The following PKP4 variants were observed in gnomAD, a reference collection of about 807,000 sequenced individuals.
PKP4 encodes plakophilin-4.
Under a neutral mutation model 145.1 loss-of-function variants are expected in PKP4, and 90 were observed. The observed-to-expected ratio is 0.62, with a 90% CI of 0.52 to 0.74. The LOEUF is 0.74. Among genes scored for constraint, PKP4 ranks in the 30% least tolerant of loss-of-function variants. The pLI is 0.00. For synonymous variants in PKP4, 563 were observed against 577.2 expected (o/e 0.98, Z 0.35); for missense variants, 1,340 against 1,482.7 (o/e 0.90, Z 1.58).
At chr2:158,476,498 T>A in intron 1 of PKP4, among the ~76,000 whole-genome samples, 1 of 151,924 alleles carries the variant, frequency 6.6e-6, no homozygotes, top group Admixed American at 6.6e-5. Context: ...GCCTGGCTAA[T>A]TTTTTATTTT....
At chr2:158,638,698 T>C (rs1265234200) in intron 9 of PKP4, among the ~76,000 whole-genome samples, 1 of 152,196 alleles carries the variant, frequency 6.6e-6, no homozygotes, top group East Asian at 1.9e-4. Context: ...ACTGTTAGAC[T>C]CTTCTGGGCA....
chr2:158,554,478 T>G lies in PKP4; in HGVS notation c.132+21162T>G, dbSNP rs370395017. ...TCTAGCTCTGTTGCCCAGGCTGGAG[T>G]GCAGTGGTGCAATCTTGGCTCACTG... On this transcript the variant is annotated intron_variant, in intron 2 of 21. Transcript: ENST00000389759. Among the ~76,000 whole-genome samples the G allele has an allele frequency of 4.6e-5, 7 of 150,794 alleles. No homozygotes were observed. In the East Asian group the frequency reaches 5.9e-4, roughly 13 times the overall value.
intron 11 of PKP4, among the ~76,000 whole-genome samples, chr2:158,656,570 C>A (rs537193637): frequency 8.1e-4 from 123 of 152,198 alleles, no homozygotes; most frequent in African/African-American, 2.7e-3. Flanking sequence ...GGGTAAAAGT[C>A]CTTGGGGAAC....
chr2:158,661,748 G>A (rs530177046), intron 13 of PKP4: 53 of 256,250 alleles, frequency 2.1e-4, no homozygotes, highest in Middle Eastern at 2.6e-3. Flanking sequence ...TTCTGTATCC[G>A]CACTAGAATC....
rs1400189156 is a variant in PKP4 at position 158,566,124 on chromosome 2, AG to A, written c.133-11145del. 1.5e-3 allele frequency among the ~76,000 whole-genome samples: 235 copies of A among 152,308 alleles called. 4 individuals carry two copies. In the East Asian group the frequency reaches 0.021, roughly 13 times the overall value. On this transcript the variant is annotated intron_variant, in intron 2 of 21. Transcript: ENST00000389759. ...CTTAAGAAAAAAATCTTCCTGTGTT[AG>A]GTGGTATTTGTTTTCATTCTCATTA...
At chr2:158,642,342 A>G in intron 10 of PKP4, 144 bp from the exon 11 acceptor site, 1 of 612,408 alleles carries the variant, frequency 1.6e-6, no homozygotes, top group Non-Finnish European at 2.7e-6. Context: ...GAATGTATAA[A>G]AGTTGTCTTA....
Position 158,621,048 on chromosome 2 carries a change from C to CT in PKP4, c.340dup (p.Tyr114LeufsTer22). ...TTTCTGACGCTGTCCAGCCCAACAA[C>CT]TATCTCATCAGGACAGAGCCAGAAC... On this transcript the variant is annotated frameshift_variant, in exon 5 of 22. Coordinates refer to ENST00000389759, the MANE Select transcript of PKP4 (RefSeq NM_003628.6). LOFTEE classifies it high-confidence loss of function. 1 of 1,614,002 alleles carries CT rather than the reference C, an allele frequency of 6.2e-7. No individual in the cohort carries two copies. The highest frequency in any genetic ancestry group is 8.5e-7 in the Non-Finnish European group (1 of 1,179,886).
At chr2:158,567,504 A>G (rs1421074256) in intron 2 of PKP4, among the ~76,000 whole-genome samples, 2 of 152,202 alleles carry the variant, frequency 1.3e-5, no homozygotes, top group Admixed American at 6.5e-5. Context: ...CCATGGGGTT[A>G]GGACAGATTG....
intron 1 of PKP4, among the ~76,000 whole-genome samples, chr2:158,489,226 A>G (rs955387990): frequency 6.6e-6 from 1 of 151,944 alleles, no homozygotes; most frequent in African/African-American, 2.4e-5. Context: ...TTTTGATATT[A>G]TTTCTCTGGG....
At chr2:158,625,845 T>A (rs2105901862) in intron 7 of PKP4, among the ~76,000 whole-genome samples, 1 of 152,344 alleles carries the variant, frequency 6.6e-6, no homozygotes, top group East Asian at 1.9e-4. Flanking sequence ...AATGTTTAAA[T>A]TTTTTCTTTA....
chr2:158,493,810 C>T (rs1165159423), intron 1 of PKP4, among the ~76,000 whole-genome samples: 1 of 152,166 alleles, frequency 6.6e-6, no homozygotes, highest in Non-Finnish European at 1.5e-5. Flanking sequence ...TGAGCTTTTC[C>T]TGCTAATCTA....
At chr2:158,508,005 T>G (rs899685635) in intron 1 of PKP4, among the ~76,000 whole-genome samples, 2 of 152,044 alleles carry the variant, frequency 1.3e-5, no homozygotes, top group African/African-American at 4.8e-5. Flanking sequence ...TAAGGTATGT[T>G]CAGTTTCCCC....
intron 17 of PKP4, among the ~76,000 whole-genome samples, chr2:158,673,400 C>CT (rs888210264): frequency 2.6e-5 from 4 of 152,358 alleles, no homozygotes; most frequent in African/African-American, 9.6e-5. Context: ...GGACTGACAC[C>CT]TACAGAGATC....
chr2:158,473,624 A>G (rs1209886043), intron 1 of PKP4, among the ~76,000 whole-genome samples: 2 of 152,012 alleles, frequency 1.3e-5, no homozygotes, highest in African/African-American at 2.4e-5. Flanking sequence ...CACAGACACA[A>G]AGAAGGAAAC....
chr2:158,654,289 CATACTTAGCAAAA>C (rs1289836082), intron 11 of PKP4, among the ~76,000 whole-genome samples: 2 of 152,138 alleles, frequency 1.3e-5, no homozygotes, highest in East Asian at 3.8e-4. Context: ...TTGAACACCA[CATACTTAGCAAAA>C]ATAGAACCTT....
intron 1 of PKP4, among the ~76,000 whole-genome samples, chr2:158,530,065 C>T (rs1342168043): frequency 1.3e-5 from 2 of 152,082 alleles, no homozygotes; most frequent in Non-Finnish European, 2.9e-5. Flanking sequence ...ATGTTAATGA[C>T]AATGTGATGG....
intron 4 of PKP4, among the ~76,000 whole-genome samples, chr2:158,603,663 G>C (rs1298135877): frequency 2.0e-5 from 3 of 152,098 alleles, no homozygotes; most frequent in African/African-American, 7.2e-5. Context: ...TTCATACTCA[G>C]CCTTCACTCA....
At chr2:158,537,982 A>G (rs535443646) in intron 2 of PKP4, among the ~76,000 whole-genome samples, 8 of 152,258 alleles carry the variant, frequency 5.3e-5, no homozygotes, top group Non-Finnish European at 1.0e-4. Flanking sequence ...ATGCCACTGC[A>G]CTCCAGCCTG....
chr2:158,553,815 G>A (rs2045840107), intron 2 of PKP4, among the ~76,000 whole-genome samples: 1 of 152,058 alleles, frequency 6.6e-6, no homozygotes, highest in Non-Finnish European at 1.5e-5. Flanking sequence ...TCAATAGTTG[G>A]AGAAGAATTT....
Sources: allele counts gnomAD v4.1 joint callset (sites outside exome capture counted in the v4.1 genomes callset), GRCh38; gene constraint gnomAD v4.1.1; transcripts MANE v1.5; gene names NCBI Gene and HGNC (gene_info 2026-07-23, HGNC 2026-07-21).